CCDC3: variants seen among roughly 807,000 people sequenced by gnomAD.
The protein encoded by CCDC3 is coiled-coil domain-containing protein 3.
A neutral mutation model predicts 21.4 loss-of-function variants in CCDC3; 24 were observed. The ratio of observed to expected loss-of-function variants is 1.12; its 90% CI spans 0.81 to 1.58. CCDC3 has a LOEUF of 1.58. Ranked by LOEUF, CCDC3 falls within the 40% of genes most tolerant of loss-of-function variation. The probability of loss-of-function intolerance (pLI) is 0.00; values close to 1 mark genes in which losing one functional copy is unlikely to be tolerated. For missense variants in CCDC3, 425 were observed against 360.9 expected (o/e 1.18, Z -1.44); for synonymous variants, 186 against 166.0 (o/e 1.12, Z -0.93).
chr10:13,016,218 C>T (rs142592023), intron 5 of CCDC3, among the ~76,000 whole-genome samples: 1 of 151,752 alleles, frequency 6.6e-6, no homozygotes, highest in East Asian at 1.9e-4. Context: ...ATTCCCCTCC[C>T]ATAGAGTTAA....
intron 2 of CCDC3, among the ~76,000 whole-genome samples, chr10:12,983,056 G>A (rs114599348): frequency 0.015 from 2,307 of 148,946 alleles, 65 homozygotes; most frequent in African/African-American, 0.054. Flanking sequence ...AGGTTCCAGT[G>A]AGCCAAGGTC....
Position 12,900,555 on chromosome 10 carries a change from G to A in CCDC3, c.550-1876C>T, listed in dbSNP as rs532009313. ...AAAAAAAAAAAAAAAGCCGGGCGTC[G>A]TGGCGGGTGCCTGTAGTCCCAGCTA... On this transcript the variant is annotated intron_variant, in intron 2 of 2. Transcript: ENST00000378825. Among the ~76,000 whole-genome samples, 849 of 148,310 alleles carry A rather than the reference G, an allele frequency of 5.7e-3. 9 individuals are homozygous for A. Among genetic ancestry groups the A allele is most frequent in the African/African-American group, 0.02 (799 of 40,290 alleles).
chr10:13,028,498 A>G (rs889134636), intron 5 of CCDC3, among the ~76,000 whole-genome samples: 5 of 152,200 alleles, frequency 3.3e-5, no homozygotes, highest in Non-Finnish European at 7.3e-5. Flanking sequence ...CAGACAGCTG[A>G]ACAACTCATT....
chr10:12,943,328 G>A (rs1177817280), intron 2 of CCDC3, among the ~76,000 whole-genome samples: 2 of 152,138 alleles, frequency 1.3e-5, no homozygotes, highest in Non-Finnish European at 2.9e-5. Context: ...GAACCCCGAA[G>A]AAATGTGAAA....
At chr10:12,959,581 G>C (rs1378684707) in intron 2 of CCDC3, among the ~76,000 whole-genome samples, 2 of 152,296 alleles carry the variant, frequency 1.3e-5, no homozygotes, top group African/African-American at 4.8e-5. Context: ...GTAGTCAGGG[G>C]TCAGGGTGAG....
At chr10:12,969,872 T>C (rs1181744727) in intron 2 of CCDC3, among the ~76,000 whole-genome samples, 3 of 151,642 alleles carry the variant, frequency 2.0e-5, no homozygotes. Context: ...CAAAATACCA[T>C]GTGACCTCAG....
At chr10:13,040,931 A>C (rs2131417937) in intron 5 of CCDC3, among the ~76,000 whole-genome samples, 1 of 151,974 alleles carries the variant, frequency 6.6e-6, no homozygotes, top group Non-Finnish European at 1.5e-5. Flanking sequence ...CTATAGATTT[A>C]CTCTTTTAAG....
intron 3 of CCDC3, among the ~76,000 whole-genome samples, chr10:13,092,366 G>T (rs1429867019): frequency 6.6e-6 from 1 of 152,174 alleles, no homozygotes; most frequent in African/African-American, 2.4e-5. Context: ...TGAAATCGTT[G>T]CAATGGGAAA....
intron 2 of CCDC3, among the ~76,000 whole-genome samples, chr10:12,913,188 C>T (rs1400531452): frequency 1.3e-5 from 2 of 152,316 alleles, no homozygotes; most frequent in Admixed American, 1.3e-4. Context: ...GTAGTATAGA[C>T]ACTTTAACAA....
At chr10:12,935,162 G>A (rs1406921117) in intron 2 of CCDC3, among the ~76,000 whole-genome samples, 2 of 152,162 alleles carry the variant, frequency 1.3e-5, no homozygotes, top group African/African-American at 4.8e-5. Flanking sequence ...ATAGGTGTGA[G>A]CCACCATGCC....
At chr10:12,903,657 C>A (rs1291710276) in intron 2 of CCDC3, among the ~76,000 whole-genome samples, 1 of 152,224 alleles carries the variant, frequency 6.6e-6, no homozygotes, top group East Asian at 1.9e-4. Context: ...GTACCTCTGG[C>A]ATTTGCCTGC....
At chr10:12,906,835 C>T (rs7919134) in intron 2 of CCDC3, among the ~76,000 whole-genome samples, 65,500 of 151,978 alleles carry the variant, frequency 0.43, 15,115 homozygotes, top group South Asian at 0.56. Context: ...GATTGTCGTT[C>T]GCCCGAGCTT....
At chr10:12,900,115 C>T (rs1834069825) in intron 2 of CCDC3, among the ~76,000 whole-genome samples, 1 of 152,184 alleles carries the variant, frequency 6.6e-6, no homozygotes, top group African/African-American at 2.4e-5. Context: ...TCACCTCCAC[C>T]ATGATTGTGA....
rs112407877 is a variant in CCDC3, at chr10:13,083,504, T to G, written c.-502-9404A>C. ...TTCAAGCTTCCTTGATTTGTGCTAA[T>G]AACTCTTTGTTAAGCCCTATCCTAT... On this transcript the variant is annotated intron_variant, in intron 3 of 6. Transcript: ENST00000378839. 3.0e-3 allele frequency among the ~76,000 whole-genome samples: 463 copies of G among 152,394 alleles called. 3 individuals are homozygous for G. The highest frequency in any genetic ancestry group is 0.01 in the African/African-American group (427 of 41,598).
intron 2 of CCDC3, among the ~76,000 whole-genome samples, chr10:12,911,782 A>G (rs1404770510): frequency 2.0e-5 from 3 of 152,194 alleles, no homozygotes; most frequent in South Asian, 4.1e-4. Flanking sequence ...TAACTGAAAT[A>G]TTGTACCCTT....
intron 5 of CCDC3, among the ~76,000 whole-genome samples, chr10:13,042,704 C>T (rs538874756): frequency 2.0e-5 from 3 of 151,578 alleles, no homozygotes; most frequent in Non-Finnish European, 2.9e-5. Flanking sequence ...GTCAGGAGAT[C>T]GAGACCATCC....
At chr10:13,085,880 T>A (rs1837096675) in intron 3 of CCDC3, among the ~76,000 whole-genome samples, 1 of 151,372 alleles carries the variant, frequency 6.6e-6, no homozygotes, top group African/African-American at 2.4e-5. Context: ...GGCAGGAGAA[T>A]CACTTGAATC....
chr10:12,964,622 T>G (rs1835232767), intron 2 of CCDC3, among the ~76,000 whole-genome samples: 1 of 152,192 alleles, frequency 6.6e-6, no homozygotes, highest in Admixed American at 6.5e-5. Flanking sequence ...CCACTACCTT[T>G]GCTTTCTTGC....
At chr10:12,927,817 C>CT (rs1440546444) in intron 2 of CCDC3, among the ~76,000 whole-genome samples, 3 of 152,130 alleles carry the variant, frequency 2.0e-5, no homozygotes, top group Non-Finnish European at 2.9e-5. Context: ...GGAGCAGGAA[C>CT]TTTTTTCAAT....
Sources: gnomAD v4.1 joint callset for allele counts (sites outside exome capture counted in the v4.1 genomes callset) on GRCh38, gnomAD v4.1.1 for gene constraint, MANE v1.5 for transcripts, NCBI Gene and HGNC (gene_info 2026-07-23, HGNC 2026-07-21) for gene names.